The following SPAST variants were observed in gnomAD, a reference collection of about 807,000 sequenced individuals.
SPAST encodes spastic paraplegia 4 (autosomal dominant; spastin).
Under a neutral mutation model 76.6 loss-of-function variants are expected in SPAST, and 30 were observed. The observed-to-expected ratio is 0.39, with a 90% CI of 0.29 to 0.53. SPAST has a LOEUF of 0.53. SPAST is among the 20% of genes least tolerant of loss of function. The pLI is 0.68. For missense variants in SPAST, 717 were observed against 770.5 expected (o/e 0.93, Z 0.82); for synonymous variants, 305 against 281.0 (o/e 1.09, Z -0.86).
intron 1 of SPAST, among the ~76,000 whole-genome samples, chr2:32,079,814 T>G (rs989804268): frequency 6.6e-6 from 1 of 152,234 alleles, no homozygotes; most frequent in African/African-American, 2.4e-5. Context: ...TGCCTCGGCA[T>G]GAGCCACTGT....
chr2:32,075,079 G>A (rs1425526902), intron 1 of SPAST, among the ~76,000 whole-genome samples: 1 of 151,986 alleles, frequency 6.6e-6, no homozygotes, highest in Non-Finnish European at 1.5e-5. Context: ...ACACTTTTTA[G>A]GATGCAGTAG....
chr2:32,120,439 C>T (rs979152956), intron 7 of SPAST, among the ~76,000 whole-genome samples: 1 of 151,948 alleles, frequency 6.6e-6, no homozygotes, highest in Non-Finnish European at 1.5e-5. Context: ...CTTGTACAGC[C>T]TTTTTTTCCC....
intron 1 of SPAST, chr2:32,065,998 G>A (rs1450835309): frequency 6.8e-6 from 1 of 147,796 alleles, no homozygotes; most frequent in Non-Finnish European, 1.5e-5. Context: ...TTTTGAGATG[G>A]AGTCTCCCTG....
chr2:32,133,714 C>G (rs892313688), intron 9 of SPAST, among the ~76,000 whole-genome samples: 1 of 150,432 alleles, frequency 6.6e-6, no homozygotes, highest in Admixed American at 6.6e-5. Flanking sequence ...TTTTTCCACA[C>G]CGTCTTCAAA....
Position 32,155,152 on chromosome 2 carries a change from A to G in SPAST, c.*656A>G, listed in dbSNP as rs1680213308. The G allele has an allele frequency of 6.5e-6, 1 of 153,236 alleles. No homozygotes were observed. Among genetic ancestry groups the G allele is most frequent in the East Asian group, 1.9e-4 (1 of 5,200 alleles). 9.5% of individuals were successfully genotyped at this position (153,236 alleles called of 1,614,324 possible). A position where few individuals can be genotyped will look rare whatever the true frequency, so the allele number is the denominator to read the frequency against. On this transcript the variant is annotated 3_prime_UTR_variant, in exon 17 of 17. Transcript: ENST00000315285. ...CTATTACCTTGCTACCAAACAGTTT[A>G]GATAGCAATATAATAGCAAAAAAGC...
At chr2:32,101,840 G>C (rs1013969521) in intron 4 of SPAST, among the ~76,000 whole-genome samples, 3 of 152,140 alleles carry the variant, frequency 2.0e-5, no homozygotes, top group African/African-American at 4.8e-5. Flanking sequence ...CTATATCTCT[G>C]TTTTGGTATC....
chr2:32,114,405 A>G (rs1678741503), intron 4 of SPAST, among the ~76,000 whole-genome samples: 1 of 152,154 alleles, frequency 6.6e-6, no homozygotes, highest in Non-Finnish European at 1.5e-5. Context: ...ACAGGTTTCA[A>G]AAAAAGAGAA....
intron 16 of SPAST, among the ~76,000 whole-genome samples, chr2:32,149,819 G>A (rs897943667): frequency 1.3e-5 from 2 of 152,106 alleles, no homozygotes; most frequent in Non-Finnish European, 2.9e-5. Flanking sequence ...AAGCGTTTGC[G>A]GATTTTGCTA....
At chr2:32,114,906 C>A in intron 5 of SPAST, 81 bp downstream of exon 5, 8 of 975,938 alleles carry the variant, frequency 8.2e-6, no homozygotes, top group South Asian at 1.3e-5. Context: ...TTAAGTTGAT[C>A]ATAAGTACTT....
chr2:32,112,975 C>T (rs1270718216), intron 4 of SPAST, among the ~76,000 whole-genome samples: 1 of 151,952 alleles, frequency 6.6e-6, no homozygotes, highest in African/African-American at 2.4e-5. Context: ...ATTTACAAAC[C>T]TGTAATATAT....
In SPAST at chr2:32,154,618, T is replaced by A; in HGVS notation, c.*122T>A. On this transcript the variant is annotated 3_prime_UTR_variant, in exon 17 of 17. Coordinates refer to ENST00000315285, the MANE Select transcript of SPAST (RefSeq NM_014946.4). ...CAGGACTTTTTAGAGTCTTACATAT[T>A]TGTGCACCAAACTTGAAGATGAACC... The A allele has an allele frequency of 1.1e-6, 1 of 952,016 alleles. No individual in the cohort carries two copies. The highest frequency in any genetic ancestry group is 1.6e-6 in the Non-Finnish European group (1 of 612,084). 59.0% of individuals were successfully genotyped at this position (952,016 alleles called of 1,614,324 possible).
At chr2:32,084,702 A>G (rs1677399677) in intron 1 of SPAST, among the ~76,000 whole-genome samples, 1 of 151,530 alleles carries the variant, frequency 6.6e-6, no homozygotes, top group African/African-American at 2.4e-5. Context: ...CCTGGCCAAC[A>G]TGGTGAAACC....
At chr2:32,134,017 A>G (rs1243948435) in intron 9 of SPAST, among the ~76,000 whole-genome samples, 4 of 152,160 alleles carry the variant, frequency 2.6e-5, no homozygotes, top group African/African-American at 9.7e-5. Context: ...GTGAAATTTT[A>G]CAAGTCGTTA....
intron 1 of SPAST, among the ~76,000 whole-genome samples, chr2:32,078,098 C>T (rs1419536629): frequency 6.6e-6 from 1 of 151,758 alleles, no homozygotes; most frequent in African/African-American, 2.4e-5. Context: ...TCACGCCATT[C>T]TCCTGCCTCA....
chr2:32,094,963 C>T (rs566118726), intron 3 of SPAST, among the ~76,000 whole-genome samples: 11 of 152,282 alleles, frequency 7.2e-5, no homozygotes, highest in African/African-American at 1.2e-4. Context: ...AGCGAGACTC[C>T]GTCTCAAAGC....
intron 12 of SPAST, among the ~76,000 whole-genome samples, chr2:32,140,770 T>TA (rs1239756494): frequency 1.4e-5 from 2 of 141,352 alleles, no homozygotes; most frequent in Non-Finnish European, 1.6e-5. Flanking sequence ...AACTTAAGGA[T>TA]AAAAAAAATT....
chr2:32,088,102 G>T lies in SPAST; in HGVS notation c.502+524G>T, dbSNP rs1391577550. ...GGGGTTTTGCCACGTTGGCCAGGCTGGTTTCGAACTCCTGATCTCAAGTGA... is the reference window on the plus strand; with the variant it reads ...GGGGTTTTGCCACGTTGGCCAGGCTTGTTTCGAACTCCTGATCTCAAGTGA... On this transcript the variant is annotated intron_variant, in intron 2 of 16. Coordinates refer to ENST00000315285, the MANE Select transcript of SPAST (RefSeq NM_014946.4). Among the ~76,000 whole-genome samples the T allele has an allele frequency of 2.0e-5, 3 of 151,840 alleles. No homozygotes were observed. The East Asian group carries it at 5.8e-4, about 29-fold the overall frequency.
At chr2:32,139,826 G>A (rs563282420) in intron 12 of SPAST, among the ~76,000 whole-genome samples, 37 of 143,958 alleles carry the variant, frequency 2.6e-4, no homozygotes, top group African/African-American at 8.5e-4. Flanking sequence ...GCAAGAATCC[G>A]TTTCCAAAAT....
At chr2:32,120,362 A>G (rs1678977792) in intron 7 of SPAST, among the ~76,000 whole-genome samples, 1 of 152,128 alleles carries the variant, frequency 6.6e-6, no homozygotes. Flanking sequence ...CCCAGGCTGG[A>G]GTACAGTGAA....
Sources: allele counts gnomAD v4.1 joint callset (sites outside exome capture counted in the v4.1 genomes callset), GRCh38; gene constraint gnomAD v4.1.1; transcripts MANE v1.5; gene names NCBI Gene and HGNC (gene_info 2026-07-23, HGNC 2026-07-21).